The following TXK variants were observed in gnomAD, a reference collection of about 807,000 sequenced individuals.
The protein encoded by TXK is TXK tyrosine kinase.
A neutral mutation model predicts 81.0 loss-of-function variants in TXK; 60 were observed. That is an observed-to-expected ratio of 0.74 (90% CI 0.60 to 0.92). TXK has a LOEUF of 0.92. Among genes scored for constraint, TXK ranks in the 40% least tolerant of loss-of-function variants. The pLI, the probability that TXK is intolerant of heterozygous loss-of-function variation, is 0.00. For missense variants in TXK, 581 were observed against 638.3 expected (o/e 0.91, Z 0.97); for synonymous variants, 203 against 210.7 (o/e 0.96, Z 0.32).
At chr4:48,091,242 T>C (rs1293935103) in intron 8 of TXK, among the ~76,000 whole-genome samples, 1 of 152,206 alleles carries the variant, frequency 6.6e-6, no homozygotes, top group African/African-American at 2.4e-5. Context: ...CACATGGAGT[T>C]AACCCATGGG....
chr4:48,089,673 T>G, intron 9 of TXK, 77 bp downstream of exon 9: 8 of 1,220,510 alleles, frequency 6.6e-6, no homozygotes, highest in Non-Finnish European at 8.4e-6. Flanking sequence ...ATTACAGCTG[T>G]GAGCCACCGC....
intron 5 of TXK, among the ~76,000 whole-genome samples, chr4:48,107,069 T>G (rs1718480528): frequency 6.6e-6 from 1 of 151,822 alleles, no homozygotes; most frequent in Admixed American, 6.6e-5. Flanking sequence ...AAAACTGAAT[T>G]TATTCAGTTT....
intron 13 of TXK, among the ~76,000 whole-genome samples, chr4:48,073,035 C>T (rs112784221): frequency 3.3e-5 from 5 of 152,196 alleles, no homozygotes; most frequent in African/African-American, 1.2e-4. Flanking sequence ...AGCAATCCTC[C>T]TGCCTCAGCC....
rs1377758787 is a variant in TXK at position 48,107,885 on chromosome 4, A to T, written c.446+2653T>A. On this transcript the variant is annotated intron_variant, in intron 5 of 14. Transcript: ENST00000264316. ...AGACCATCCTGGCTAACACCGTGAA[A>T]CTCTGTCTCTACTTAAAAAAAAAAA... Among the ~76,000 whole-genome samples the T allele has an allele frequency of 3.4e-5, 5 of 147,090 alleles. No individual in the cohort carries two copies. In the East Asian group the frequency reaches 9.8e-4, roughly 29 times the overall value.
chr4:48,091,581 C>T (rs945273536), intron 8 of TXK, among the ~76,000 whole-genome samples: 1 of 151,942 alleles, frequency 6.6e-6, no homozygotes, highest in Non-Finnish European at 1.5e-5. Flanking sequence ...TCTTGGATCA[C>T]TGCAACCTCC....
intron 1 of TXK, among the ~76,000 whole-genome samples, chr4:48,117,874 T>C (rs1418659570): frequency 6.6e-6 from 1 of 152,228 alleles, no homozygotes; most frequent in Non-Finnish European, 1.5e-5. Flanking sequence ...AGTCAGCTGC[T>C]TTGGAGTTAT....
rs1359545799 is a variant in TXK, at chr4:48,095,149, G to A, written c.575C>T (p.Ala192Val). ...CAAAATCACAAGTGCTTACCTTCTA[G>A]CTCCCATAAATACGGAAATTGTGTA... is the stretch of plus-strand genomic sequence containing the variant. ...GSYTISVFMG[A>V]RRSTEAAIKH... Residue 192 changes from alanine (A) to valine (V), a missense_variant, in exon 7 of 15, where the codon GCT (alanine) becomes GTT (valine). Coordinates refer to ENST00000264316, the MANE Select transcript of TXK (RefSeq NM_003328.3). The A allele has an allele frequency of 6.2e-7, 1 of 1,611,958 alleles. No homozygotes were observed. Among genetic ancestry groups the A allele is most frequent in the African/African-American group, 1.3e-5 (1 of 74,798 alleles).
chr4:48,118,177 G>T (rs1201018242), intron 1 of TXK, among the ~76,000 whole-genome samples: 4 of 152,138 alleles, frequency 2.6e-5, no homozygotes, highest in Non-Finnish European at 5.9e-5. Context: ...ATAAACTTAT[G>T]TGTTTCCTGA....
At position 48,086,521 on chromosome 4, in the gene TXK, T is replaced by C; in HGVS notation, c.901A>G (p.Ile301Val). The change falls in exon 10 of 15, where the codon ATC (isoleucine) becomes GTC (valine). Residue 301 changes from isoleucine to valine, a missense_variant. Coordinates refer to ENST00000264316, the MANE Select transcript of TXK (RefSeq NM_003328.3). ...RSHIQVAIKA[I>V]NEGSMSEEDF... ...TCTTCAGACATGGAGCCTTCATTGA[T>C]GGCCTTGATAGCTACCTGGATATGT... is the stretch of plus-strand genomic sequence containing the variant. The C allele has an allele frequency of 6.2e-7, 1 of 1,614,150 alleles. No individual in the cohort carries two copies. Among genetic ancestry groups the C allele is most frequent in the Non-Finnish European group, 8.5e-7 (1 of 1,179,994 alleles).
At chr4:48,130,641 C>T (rs1363101886) in intron 1 of TXK, among the ~76,000 whole-genome samples, 1 of 152,172 alleles carries the variant, frequency 6.6e-6, no homozygotes, top group Non-Finnish European at 1.5e-5. Flanking sequence ...GGAGGACTGC[C>T]TAAGGGCGTG....
chr4:48,107,831 G>T lies in TXK; in HGVS notation c.446+2707C>A, dbSNP rs191055382. 1.5e-4 allele frequency among the ~76,000 whole-genome samples: 22 copies of T among 151,468 alleles called. No individual in the cohort carries two copies. In the East Asian group the frequency reaches 4.3e-3, roughly 29 times the overall value. On this transcript the variant is annotated intron_variant, in intron 5 of 14. Transcript: ENST00000264316. The stretch of plus-strand genomic sequence containing the variant: ...TAATCCCAGCACTTTGGGAGGTAGA[G>T]GCGGGCGGATCACGGGGTTAGGAGA...
chr4:48,079,161 T>C (rs1342215920), intron 11 of TXK, among the ~76,000 whole-genome samples: 2 of 152,206 alleles, frequency 1.3e-5, no homozygotes, highest in Non-Finnish European at 2.9e-5. Context: ...CTAAACTAAC[T>C]TTGGGAGGAA....
rs922054376 is a variant in TXK, at chr4:48,084,264, GT to G, written c.956+2201del. Among the ~76,000 whole-genome samples the G allele has an allele frequency of 4.9e-3, 713 of 145,574 alleles. 8 individuals are homozygous for G. The highest frequency in any genetic ancestry group is 0.017 in the African/African-American group (677 of 39,772). ...CCTACCATGCCTGGCTAGTTTTTTT[GT>G]TTTTTTTTTGTAGAGACAGGGTTTC... On this transcript the variant is annotated intron_variant, in intron 10 of 14. Transcript: ENST00000264316.
rs1439093415 is a variant in TXK at position 48,074,186 on chromosome 4, T to G, written c.1239-133A>C. ...CAGAAAGGTTGTGGATGCCTTCTTG[T>G]TAGTAGAGTGTGAAAGTGTCCCTGA... On this transcript the variant is annotated intron_variant, in intron 12 of 14. Coordinates refer to ENST00000264316, the MANE Select transcript of TXK (RefSeq NM_003328.3). 3 of 645,384 alleles carry G rather than the reference T, an allele frequency of 4.6e-6. No individual in the cohort carries two copies. The African/African-American group carries it at 5.5e-5, about 12-fold the overall frequency. The allele number at this position is 645,384 out of a possible 1,614,324, so 40.0% of individuals were successfully genotyped here.
At chr4:48,099,220 T>C (rs1281870700) in intron 6 of TXK, among the ~76,000 whole-genome samples, 1 of 152,046 alleles carries the variant, frequency 6.6e-6, no homozygotes, top group Non-Finnish European at 1.5e-5. Context: ...AAAAGCTTCA[T>C]AAGTAAAAAC....
intron 1 of TXK, among the ~76,000 whole-genome samples, chr4:48,124,560 C>G (rs186902581): frequency 1.3e-4 from 20 of 151,410 alleles, no homozygotes; most frequent in Admixed American, 7.2e-4. Flanking sequence ...CATCTGAGCT[C>G]TTCTTTTTTT....
intron 8 of TXK, among the ~76,000 whole-genome samples, chr4:48,090,222 G>C (rs1489233632): frequency 6.6e-6 from 1 of 152,138 alleles, no homozygotes; most frequent in East Asian, 1.9e-4. Flanking sequence ...ATATGTCATT[G>C]ACTATAAACA....
chr4:48,081,902 A>AT (rs1334501921), intron 10 of TXK, among the ~76,000 whole-genome samples: 2 of 152,170 alleles, frequency 1.3e-5, no homozygotes, highest in African/African-American at 4.8e-5. Context: ...AAACCTCAGC[A>AT]TCATCTTTGT....
intron 2 of TXK, among the ~76,000 whole-genome samples, chr4:48,113,911 T>A (rs1057453690): frequency 3.3e-5 from 5 of 152,246 alleles, no homozygotes; most frequent in Non-Finnish European, 5.9e-5. Flanking sequence ...CTGTTAAATG[T>A]TAGCTTTTTC....
Sources: allele counts gnomAD v4.1 joint callset (sites outside exome capture counted in the v4.1 genomes callset), GRCh38; gene constraint gnomAD v4.1.1; transcripts MANE v1.5; gene names NCBI Gene and HGNC (gene_info 2026-07-23, HGNC 2026-07-21).